DIP2C: variants seen among roughly 807,000 people sequenced by gnomAD.
The protein encoded by DIP2C is DIP2 acetate--CoA ligase C (putative), also known as disco-interacting protein 2 homolog C.
A neutral mutation model predicts 192.4 loss-of-function variants in DIP2C; 33 were observed. That is an observed-to-expected ratio of 0.17 (90% CI 0.13 to 0.23). The LOEUF is 0.23. Among genes scored for constraint, DIP2C ranks in the 10% least tolerant of loss-of-function variants. The pLI is 1.00. For missense variants in DIP2C, 1,537 were observed against 2,110.1 expected, an observed-to-expected ratio of 0.73 and a Z score of 5.32; for synonymous variants, 979 against 864.1, an observed-to-expected ratio of 1.13 and a Z score of -2.33.
rs1321700922 is a variant in DIP2C at position 274,662 on chromosome 10, A to G, written c.*2663T>C. 1 of 152,182 alleles carries G rather than the reference A, an allele frequency of 6.6e-6. No homozygotes were observed. Among genetic ancestry groups the G allele is most frequent in the Admixed American group, 6.5e-5 (1 of 15,282 alleles). 9.4% of individuals were successfully genotyped at this position (152,182 alleles called of 1,614,324 possible). On this transcript the variant is annotated 3_prime_UTR_variant, in exon 37 of 37. Coordinates refer to ENST00000280886, the MANE Select transcript of DIP2C (RefSeq NM_014974.3). The stretch of plus-strand genomic sequence containing the variant: ...CACACTCTGAAATAACGCTGCTAAC[A>G]TTCAACTGATAAAAGGGACCATCTC...
intron 4 of DIP2C, among the ~76,000 whole-genome samples, chr10:438,495 AT>A (rs58338949): frequency 0.14 from 20,222 of 146,470 alleles, 3,387 homozygotes; most frequent in African/African-American, 0.4. Flanking sequence ...AGGATTAAGC[AT>A]TTTTTTTTTT....
At chr10:492,732 AC>A (rs1220252349) in intron 1 of DIP2C, among the ~76,000 whole-genome samples, 2 of 152,036 alleles carry the variant, frequency 1.3e-5, no homozygotes, top group Non-Finnish European at 2.9e-5. Flanking sequence ...TTAGAGTTTT[AC>A]CTTTTTGGTT....
At chr10:536,386 G>A (rs1032430207) in intron 1 of DIP2C, among the ~76,000 whole-genome samples, 2 of 151,242 alleles carry the variant, frequency 1.3e-5, no homozygotes, top group Non-Finnish European at 2.9e-5. Context: ...AGTCCCGGGG[G>A]CTAGAGTTGT....
At chr10:621,361 C>G (rs1853835889) in intron 1 of DIP2C, among the ~76,000 whole-genome samples, 1 of 151,880 alleles carries the variant, frequency 6.6e-6, no homozygotes, top group South Asian at 2.1e-4. Context: ...GCTCACGAGT[C>G]TGTGCCAATA....
rs192033260 is a variant in DIP2C, at chr10:390,432, T to G, written c.1385-59A>C. 2.4e-5 allele frequency: 36 copies of G among 1,508,172 alleles called. 1 individual carries two copies. In the East Asian group the frequency reaches 7.0e-4, roughly 29 times the overall value. 93.4% of individuals were successfully genotyped at this position (1,508,172 alleles called of 1,614,324 possible). A position where few individuals can be genotyped will look rare whatever the true frequency, so the allele number is the denominator to read the frequency against. Reference sequence around the variant, plus strand: ...TACTCTGAAAGTCGGTCTGTAGAATTTCTCCCCATTTATGTGGTACCCTTT... The same window carrying G: ...TACTCTGAAAGTCGGTCTGTAGAATGTCTCCCCATTTATGTGGTACCCTTT... On this transcript the variant is annotated intron_variant, in intron 11 of 36. Coordinates refer to ENST00000280886, the MANE Select transcript of DIP2C (RefSeq NM_014974.3).
intron 1 of DIP2C, among the ~76,000 whole-genome samples, chr10:611,186 G>A (rs1853076671): frequency 9.4e-6 from 1 of 106,460 alleles, no homozygotes; most frequent in African/African-American, 2.6e-5. Context: ...GAAAGTGCAT[G>A]GCACCTTCCC....
intron 1 of DIP2C, among the ~76,000 whole-genome samples, chr10:557,901 C>T (rs1848992733): frequency 8.3e-5 from 1 of 12,024 alleles, no homozygotes; most frequent in East Asian, 2.4e-3. Context: ...CAGGGGCAGG[C>T]GGGGAAGGGG....
At chr10:300,914 C>T (rs1461206720) in intron 32 of DIP2C, among the ~76,000 whole-genome samples, 2 of 152,214 alleles carry the variant, frequency 1.3e-5, no homozygotes, top group African/African-American at 4.8e-5. Context: ...ACAGAAAGGA[C>T]TTGAAAAGTA....
intron 1 of DIP2C, among the ~76,000 whole-genome samples, chr10:610,616 A>G (rs1853028703): frequency 1.3e-5 from 2 of 152,266 alleles, no homozygotes; most frequent in South Asian, 4.1e-4. Context: ...TCGTTTGCGA[A>G]GCAAGTGCAG....
chr10:524,471 T>A (rs958534616), intron 1 of DIP2C, among the ~76,000 whole-genome samples: 1 of 152,176 alleles, frequency 6.6e-6, no homozygotes, highest in Non-Finnish European at 1.5e-5. Context: ...ACATGCTTAT[T>A]TTCCTCTACT....
chr10:575,151 G>T (rs1398511516), intron 1 of DIP2C, among the ~76,000 whole-genome samples: 1 of 152,170 alleles, frequency 6.6e-6, no homozygotes, highest in Non-Finnish European at 1.5e-5. Context: ...GCCAAAAACA[G>T]CGGAAAAGCA....
At chr10:530,449 C>T (rs1247815788) in intron 1 of DIP2C, among the ~76,000 whole-genome samples, 1 of 152,032 alleles carries the variant, frequency 6.6e-6, no homozygotes, top group African/African-American at 2.4e-5. Context: ...GGTCGTGACA[C>T]CCCAGTTTGT....
intron 28 of DIP2C, among the ~76,000 whole-genome samples, chr10:342,890 T>C (rs186151213): frequency 1.4e-3 from 218 of 152,276 alleles, no homozygotes; most frequent in African/African-American, 5.1e-3. Flanking sequence ...TACAATAAAA[T>C]ATATTAATAA....
intron 1 of DIP2C, among the ~76,000 whole-genome samples, chr10:555,194 T>A (rs919519233): frequency 7.6e-6 from 1 of 130,940 alleles, no homozygotes; most frequent in Admixed American, 6.9e-5. Context: ...AGTATTATTT[T>A]TTTTTTTTCC....
At chr10:388,912 C>CAAGGGGCCTTGGGGCATCCT (rs1168514780) in intron 13 of DIP2C, among the ~76,000 whole-genome samples, 10 of 150,660 alleles carry the variant, frequency 6.6e-5, no homozygotes, top group African/African-American at 2.5e-4. Context: ...GAGGGGGTCT[C>CAAGGGGCCTTGGGGCATCCT]AAGGGGCCTT....
At chr10:308,870 A>AGCT (rs1258300717) in intron 32 of DIP2C, among the ~76,000 whole-genome samples, 1 of 152,140 alleles carries the variant, frequency 6.6e-6, no homozygotes, top group Non-Finnish European at 1.5e-5. Flanking sequence ...CTGGCGTGTG[A>AGCT]GCTCTCAGCC....
intron 1 of DIP2C, among the ~76,000 whole-genome samples, chr10:592,920 G>A (rs910270909): frequency 5.9e-5 from 9 of 152,132 alleles, no homozygotes; most frequent in South Asian, 4.2e-4. Context: ...TGTGCAAAAT[G>A]GCATTTTTGG....
intron 7 of DIP2C, among the ~76,000 whole-genome samples, chr10:414,586 T>C (rs1034033408): frequency 6.6e-6 from 1 of 151,752 alleles, no homozygotes; most frequent in Non-Finnish European, 1.5e-5. Context: ...CACAGTTCCC[T>C]GCAGCCTCGA....
intron 1 of DIP2C, among the ~76,000 whole-genome samples, chr10:582,746 C>A (rs532808836): frequency 6.6e-6 from 1 of 152,154 alleles, no homozygotes; most frequent in Non-Finnish European, 1.5e-5. Flanking sequence ...TTGGGAAGCA[C>A]CAGCGTGGCC....
Sources: gnomAD v4.1 joint callset for allele counts (sites outside exome capture counted in the v4.1 genomes callset) on GRCh38, gnomAD v4.1.1 for gene constraint, MANE v1.5 for transcripts, NCBI Gene and HGNC (gene_info 2026-07-23, HGNC 2026-07-21) for gene names.